Variants in LUZP2 observed in about 807,000 individuals in gnomAD.
LUZP2 encodes the protein leucine zipper protein 2.
A neutral mutation model predicts 51.6 loss-of-function variants in LUZP2; 52 were observed. That is an observed-to-expected ratio of 1.01 (90% CI 0.81 to 1.27). The LOEUF (loss-of-function observed/expected upper bound fraction) is 1.27. LUZP2 is among the 50% of genes most tolerant of loss of function. The pLI is 0.00. For synonymous variants in LUZP2, 154 were observed against 137.3 expected (o/e 1.12, Z -0.85); for missense variants, 436 against 395.4 (o/e 1.10, Z -0.87).
At chr11:24,630,070 T>A (rs1854826732) in intron 1 of LUZP2, among the ~76,000 whole-genome samples, 1 of 151,954 alleles carries the variant, frequency 6.6e-6, no homozygotes, top group Non-Finnish European at 1.5e-5. Context: ...GTCGTTGAAG[T>A]TTCTTATATA....
At chr11:24,828,114 A>T (rs71478106) in intron 5 of LUZP2, among the ~76,000 whole-genome samples, 1 of 152,136 alleles carries the variant, frequency 6.6e-6, no homozygotes, top group Non-Finnish European at 1.5e-5. Flanking sequence ...TATAGAAAAA[A>T]CAATGAAAGA....
intron 1 of LUZP2, among the ~76,000 whole-genome samples, chr11:24,721,924 C>T (rs1169636210): frequency 6.6e-6 from 1 of 151,982 alleles, no homozygotes; most frequent in African/African-American, 2.4e-5. Context: ...AACAGTGACA[C>T]TAACAAAATG....
chr11:24,713,757 C>T lies in LUZP2; in HGVS notation c.63-15412C>T, dbSNP rs1426803546. Reference sequence around the variant, plus strand: ...AGGTTGGAGTGCAGTAGCATGATCTCTGCCTACTGGAACCTCTGTCTCTTG... The same window carrying T: ...AGGTTGGAGTGCAGTAGCATGATCTTTGCCTACTGGAACCTCTGTCTCTTG... On this transcript the variant is annotated intron_variant, in intron 1 of 11. Transcript: ENST00000336930. 2.2e-5 allele frequency among the ~76,000 whole-genome samples: 3 copies of T among 139,118 alleles called. 1 individual carries two copies. Among genetic ancestry groups the T allele is most frequent in the Non-Finnish European group, 4.6e-5 (3 of 65,908 alleles). The allele number at this position is 139,118 out of a possible 152,430, so 91.3% of individuals were successfully genotyped here. A position where few individuals can be genotyped will look rare whatever the true frequency, so the allele number is the denominator to read the frequency against.
At chr11:24,810,431 C>T (rs970447489) in intron 5 of LUZP2, among the ~76,000 whole-genome samples, 1 of 152,204 alleles carries the variant, frequency 6.6e-6, no homozygotes, top group East Asian at 1.9e-4. Context: ...AGATAATAGC[C>T]ACTCTTTCTG....
chr11:24,744,484 A>G (rs140108132), intron 4 of LUZP2, among the ~76,000 whole-genome samples: 1,742 of 152,154 alleles, frequency 0.011, 17 homozygotes, highest in Middle Eastern at 0.024. Context: ...TAGGTTTCCT[A>G]GTTTATGTGC....
intron 1 of LUZP2, among the ~76,000 whole-genome samples, chr11:24,578,774 G>A (rs531902865): frequency 6.6e-6 from 1 of 152,140 alleles, no homozygotes; most frequent in African/African-American, 2.4e-5. Context: ...ACTACTAGAA[G>A]GCAGAAGGAG....
chr11:24,499,364 A>C (rs1849919560), intron 1 of LUZP2, among the ~76,000 whole-genome samples: 3 of 152,242 alleles, frequency 2.0e-5, no homozygotes, highest in Non-Finnish European at 2.9e-5. Context: ...AGAAGAGAAT[A>C]TGTTTTAAAG....
At chr11:25,003,766 C>T (rs1489046103) in intron 9 of LUZP2, among the ~76,000 whole-genome samples, 8 of 152,170 alleles carry the variant, frequency 5.3e-5, no homozygotes, top group Admixed American at 5.2e-4. Context: ...TCAGGGTTGA[C>T]TCCTTCCTCA....
At chr11:25,039,636 C>T (rs1309355901) in intron 9 of LUZP2, among the ~76,000 whole-genome samples, 1 of 152,116 alleles carries the variant, frequency 6.6e-6, no homozygotes, top group Non-Finnish European at 1.5e-5. Context: ...ATCCCCCTGC[C>T]AGCTCACATG....
chr11:24,972,932 G>A (rs573946579), intron 7 of LUZP2, among the ~76,000 whole-genome samples: 1 of 152,100 alleles, frequency 6.6e-6, no homozygotes, highest in South Asian at 2.1e-4. Context: ...GAATGATGCT[G>A]ACCTCATAAA....
intron 2 of LUZP2, among the ~76,000 whole-genome samples, chr11:24,729,838 T>C (rs12282365): frequency 1.3e-5 from 2 of 151,948 alleles, no homozygotes; most frequent in African/African-American, 4.8e-5. Context: ...ATATCCTGTA[T>C]GCTAAAAGCT....
intron 9 of LUZP2, among the ~76,000 whole-genome samples, chr11:25,023,467 T>G (rs960244434): frequency 6.6e-6 from 1 of 152,174 alleles, no homozygotes; most frequent in African/African-American, 2.4e-5. Context: ...TAGTTTGTAT[T>G]TCTGTGGGAT....
chr11:24,906,311 T>C (rs1004881566), intron 6 of LUZP2, among the ~76,000 whole-genome samples: 1 of 152,130 alleles, frequency 6.6e-6, no homozygotes, highest in African/African-American at 2.4e-5. Context: ...ATTTCTTCCT[T>C]ATCTGGACTA....
chr11:24,731,750 C>G (rs969039563), intron 2 of LUZP2, among the ~76,000 whole-genome samples: 1 of 151,674 alleles, frequency 6.6e-6, no homozygotes, highest in Non-Finnish European at 1.5e-5. Flanking sequence ...TTGCTATGTT[C>G]CCTAATATTT....
At chr11:24,792,293 G>A (rs551859096) in intron 5 of LUZP2, among the ~76,000 whole-genome samples, 1 of 151,976 alleles carries the variant, frequency 6.6e-6, no homozygotes, top group African/African-American at 2.4e-5. Flanking sequence ...TGGGCATGGT[G>A]GTGCACACCT....
At chr11:25,040,490 A>C (rs1178066442) in intron 9 of LUZP2, among the ~76,000 whole-genome samples, 3 of 152,046 alleles carry the variant, frequency 2.0e-5, no homozygotes, top group Non-Finnish European at 4.4e-5. Context: ...ATACCTATTA[A>C]GGTGGAAGTC....
chr11:24,958,503 G>A (rs2133874207), intron 7 of LUZP2, among the ~76,000 whole-genome samples: 1 of 152,268 alleles, frequency 6.6e-6, no homozygotes, highest in African/African-American at 2.4e-5. Context: ...CTGATGGCCA[G>A]TGATGATGAG....
chr11:24,558,093 GCT>G (rs1364871297), intron 1 of LUZP2, among the ~76,000 whole-genome samples: 2 of 152,106 alleles, frequency 1.3e-5, no homozygotes, highest in African/African-American at 4.8e-5. Flanking sequence ...GTGAATTCTT[GCT>G]CTCTCTTCTG....
chr11:25,066,088 TG>T (rs771523334), intron 10 of LUZP2, among the ~76,000 whole-genome samples: 7 of 151,848 alleles, frequency 4.6e-5, no homozygotes, highest in Non-Finnish European at 7.4e-5. Flanking sequence ...GAGCATTTGT[TG>T]GAAGGAGGAT....
Sources: gnomAD v4.1 joint callset for allele counts (sites outside exome capture counted in the v4.1 genomes callset) on GRCh38, gnomAD v4.1.1 for gene constraint, MANE v1.5 for transcripts, NCBI Gene and HGNC (gene_info 2026-07-23, HGNC 2026-07-21) for gene names.